Variants in SPTLC3 observed in about 807,000 individuals in gnomAD.
SPTLC3 encodes the protein serine palmitoyltransferase 3.
SPTLC3 carries 36 observed loss-of-function variants against 59.3 expected under a neutral mutation model. The ratio of observed to expected loss-of-function variants is 0.61; its 90% CI spans 0.47 to 0.80. The LOEUF is 0.80. Ranked by LOEUF, SPTLC3 falls within the 30% of genes least tolerant of loss-of-function variation. The pLI, the probability that SPTLC3 is intolerant of heterozygous loss-of-function variation, is 0.00. For missense variants in SPTLC3, 625 were observed against 685.1 expected, an observed-to-expected ratio of 0.91 and a Z score of 0.98; for synonymous variants, 257 against 240.8, an observed-to-expected ratio of 1.07 and a Z score of -0.62.
intron 4 of SPTLC3, among the ~76,000 whole-genome samples, chr20:13,088,645 G>GTC (rs1224883551): frequency 1.3e-5 from 2 of 151,102 alleles, no homozygotes; most frequent in African/African-American, 4.9e-5. Flanking sequence ...TTAAGATGAA[G>GTC]TCTCTCTCTG....
intron 8 of SPTLC3, among the ~76,000 whole-genome samples, chr20:13,123,615 A>G (rs1013990686): frequency 1.3e-5 from 2 of 152,144 alleles, no homozygotes; most frequent in African/African-American, 4.8e-5. Context: ...CCAAGGGGAC[A>G]GTTCCTCATC....
chr20:13,065,140 G>A (rs1473112086), intron 2 of SPTLC3, among the ~76,000 whole-genome samples: 1 of 151,784 alleles, frequency 6.6e-6, no homozygotes. Flanking sequence ...TATCTTTGGG[G>A]TTTGATATTA....
At chr20:13,082,695 C>G (rs1032419902) in intron 4 of SPTLC3, among the ~76,000 whole-genome samples, 3 of 152,164 alleles carry the variant, frequency 2.0e-5, no homozygotes, top group African/African-American at 7.2e-5. Context: ...TACTTGACAT[C>G]ACAATGATTT....
At chr20:13,052,538 C>T (rs1987540177) in intron 2 of SPTLC3, among the ~76,000 whole-genome samples, 1 of 152,078 alleles carries the variant, frequency 6.6e-6, no homozygotes, top group South Asian at 2.1e-4. Context: ...ACCAGTGAGA[C>T]AGAACCATTC....
intron 5 of SPTLC3, among the ~76,000 whole-genome samples, chr20:13,091,522 G>A (rs243875): frequency 0.16 from 24,596 of 151,248 alleles, 2,148 homozygotes; most frequent in Middle Eastern, 0.23. Context: ...GCAATGAGCC[G>A]AGATCGGGCC....
intron 9 of SPTLC3, among the ~76,000 whole-genome samples, chr20:13,147,069 G>A (rs6041900): frequency 6.6e-6 from 1 of 152,170 alleles, no homozygotes; most frequent in Non-Finnish European, 1.5e-5. Context: ...GGTGGAGGCA[G>A]GGTGTTTTCC....
chr20:13,121,868 T>C (rs1250564042), intron 8 of SPTLC3, among the ~76,000 whole-genome samples: 1 of 152,214 alleles, frequency 6.6e-6, no homozygotes, highest in Non-Finnish European at 1.5e-5. Flanking sequence ...AAAGAACCAG[T>C]GCTGCACCGA....
intron 1 of SPTLC3, among the ~76,000 whole-genome samples, chr20:13,010,865 G>A (rs1178722752): frequency 6.6e-6 from 1 of 152,074 alleles, no homozygotes; most frequent in African/African-American, 2.4e-5. Flanking sequence ...TTCGAGGTAT[G>A]AGATTAGAAA....
chr20:13,066,434 A>G (rs754822715), intron 2 of SPTLC3, among the ~76,000 whole-genome samples: 15 of 152,244 alleles, frequency 9.9e-5, no homozygotes, highest in Non-Finnish European at 7.4e-5. Flanking sequence ...GTCTGTTTCT[A>G]TGCCAGTACC....
At chr20:13,120,654 T>C (rs929576854) in intron 8 of SPTLC3, among the ~76,000 whole-genome samples, 1 of 152,180 alleles carries the variant, frequency 6.6e-6, no homozygotes, top group Non-Finnish European at 1.5e-5. Context: ...AGATGAGACA[T>C]GTAATGAAAC....
At chr20:13,036,869 G>A (rs143025044) in intron 1 of SPTLC3, among the ~76,000 whole-genome samples, 11 of 152,198 alleles carry the variant, frequency 7.2e-5, no homozygotes, top group African/African-American at 2.6e-4. Context: ...ACTGACTGAT[G>A]GATCCTTTCC....
intron 7 of SPTLC3, among the ~76,000 whole-genome samples, chr20:13,115,865 A>G (rs963456044): frequency 6.6e-6 from 1 of 152,184 alleles, no homozygotes; most frequent in Admixed American, 6.5e-5. Context: ...TTTGTATTGC[A>G]TATGAGGAAA....
At chr20:13,072,465 C>T in intron 3 of SPTLC3, 55 bp downstream of exon 3, 2 of 1,465,802 alleles carry the variant, frequency 1.4e-6, no homozygotes, top group Non-Finnish European at 1.8e-6. Context: ...CAAGGAAATC[C>T]TAGCATGGCC....
At chr20:13,044,571 C>G (rs946330739) in intron 1 of SPTLC3, among the ~76,000 whole-genome samples, 1 of 152,100 alleles carries the variant, frequency 6.6e-6, no homozygotes, top group African/African-American at 2.4e-5. Context: ...TTGTCTTTCT[C>G]TTTTTTCTCA....
At chr20:13,041,369 T>G (rs954816555) in intron 1 of SPTLC3, among the ~76,000 whole-genome samples, 5 of 152,160 alleles carry the variant, frequency 3.3e-5, no homozygotes, top group African/African-American at 1.2e-4. Flanking sequence ...TCTTCCAGTT[T>G]AAATCTGCTA....
At chr20:13,113,252 T>C (rs1990343577) in intron 7 of SPTLC3, among the ~76,000 whole-genome samples, 1 of 152,140 alleles carries the variant, frequency 6.6e-6, no homozygotes, top group Non-Finnish European at 1.5e-5. Flanking sequence ...GTGAAGTCAA[T>C]AGTTCACAAA....
intron 4 of SPTLC3, among the ~76,000 whole-genome samples, chr20:13,077,519 C>T (rs961740444): frequency 2.6e-5 from 4 of 151,738 alleles, no homozygotes; most frequent in Admixed American, 1.3e-4. Context: ...AAAGTAGAAC[C>T]TACATAAGTC....
At chr20:13,135,806 G>A (rs1275672032) in intron 9 of SPTLC3, among the ~76,000 whole-genome samples, 1 of 152,180 alleles carries the variant, frequency 6.6e-6, no homozygotes, top group Non-Finnish European at 1.5e-5. Context: ...ATGGCTATAA[G>A]AAAAATCATA....
chr20:13,150,514 C>G (rs1194772410), intron 9 of SPTLC3, among the ~76,000 whole-genome samples: 1 of 152,154 alleles, frequency 6.6e-6, no homozygotes, highest in Non-Finnish European at 1.5e-5. Flanking sequence ...GAGTTCCATC[C>G]AGGGACTCCA....
Sources: allele counts gnomAD v4.1 joint callset (sites outside exome capture counted in the v4.1 genomes callset), GRCh38; gene constraint gnomAD v4.1.1; transcripts MANE v1.5; gene names NCBI Gene and HGNC (gene_info 2026-07-23, HGNC 2026-07-21).